Variants in IRS2 observed in about 807,000 individuals in gnomAD.
The protein encoded by IRS2 is insulin receptor substrate 2.
IRS2 carries 28 observed loss-of-function variants against 70.9 expected under a neutral mutation model. That is an observed-to-expected ratio of 0.39 (90% CI 0.29 to 0.54). The LOEUF is 0.54. Among genes scored for constraint, IRS2 ranks in the 20% least tolerant of loss-of-function variants. The pLI is 0.59. For synonymous variants in IRS2, 1,217 were observed against 981.9 expected (o/e 1.24, Z -4.48); for missense variants, 2,081 against 2,024.1 (o/e 1.03, Z -0.54).
chr13:109,772,090 G>C (rs990324712), intron 1 of IRS2, among the ~76,000 whole-genome samples: 1 of 152,238 alleles, frequency 6.6e-6, no homozygotes, highest in Non-Finnish European at 1.5e-5. Flanking sequence ...AGGCTCACCC[G>C]GCATGCGCTG....
chr13:109,782,242 G>GGCGGCT lies in IRS2; in HGVS notation c.3806_3811dup (p.Gln1269_Pro1270dup), dbSNP rs746297809. ...TCCCGGCTGAGGAAGCGGCGGCGGC[G>GGCGGCT]GCGGCTGCGGCTGGGGTGGCAGCCC... On this transcript the variant is annotated inframe_insertion, in exon 1 of 2. Transcript: ENST00000375856. 21 of 1,607,650 alleles carry GGCGGCT rather than the reference G, an allele frequency of 1.3e-5. No individual in the cohort carries two copies. In the East Asian group the frequency reaches 1.6e-4, roughly 12 times the overall value.
chr13:109,784,587 C>A lies in IRS2; in HGVS notation c.1467G>T (p.Ser489=). The A allele has an allele frequency of 7.3e-7, 1 of 1,361,570 alleles. No individual in the cohort carries two copies. Among genetic ancestry groups the A allele is most frequent in the South Asian group, 1.8e-5 (1 of 55,676 alleles). The allele number at this position is 1,361,570 out of a possible 1,614,324, so 84.3% of individuals were successfully genotyped here. A position where few individuals can be genotyped will look rare whatever the true frequency, so the allele number is the denominator to read the frequency against. Residue 489 remains serine (S), a synonymous_variant, in exon 1 of 2, where the codon TCG becomes TCT. Coordinates refer to ENST00000375856, the MANE Select transcript of IRS2 (RefSeq NM_003749.3). This position sits in a 1 kb window ranked among gnomAD's most constrained non-coding sequence, Gnocchi z 5.2. ...QRPSSGSASA[S]GSPSDPGFMS... Reference sequence around the variant, plus strand: ...TGAAGCCGGGGTCGCTGGGGGAGCCCGAGGCGGAGGCGCTGCCGCTGGAGG... The same window carrying A: ...TGAAGCCGGGGTCGCTGGGGGAGCCAGAGGCGGAGGCGCTGCCGCTGGAGG...
chr13:109,783,949 A>ACGGCGGCGG lies in IRS2; in HGVS notation c.2096_2104dup (p.Ala699_Ala701dup), dbSNP rs34412495. On this transcript the variant is annotated inframe_insertion, in exon 1 of 2. Coordinates refer to ENST00000375856, the MANE Select transcript of IRS2 (RefSeq NM_003749.3). ...TGGCCCCGCAGGCCCCGCAGAAGGC[A>ACGGCGGCGG]CGGCGGCGGCGGCGGCGGCGGCGGC... 13 of 1,520,792 alleles carry ACGGCGGCGG rather than the reference A, an allele frequency of 8.5e-6. No homozygotes were observed. The highest frequency in any genetic ancestry group is 4.3e-5 in the Admixed American group (2 of 46,568). 94.2% of individuals were successfully genotyped at this position (1,520,792 alleles called of 1,614,324 possible). A position where few individuals can be genotyped will look rare whatever the true frequency, so the allele number is the denominator to read the frequency against.
At position 109,786,159 on chromosome 13, in the gene IRS2, C is replaced by G. The variant is rs1877919281; in HGVS notation, c.-106G>C. On this transcript the variant is annotated 5_prime_UTR_variant, in exon 1 of 2. Coordinates refer to ENST00000375856, the MANE Select transcript of IRS2 (RefSeq NM_003749.3). This position sits in a 1 kb window ranked among gnomAD's most constrained non-coding sequence, Gnocchi z 4.4. The stretch of plus-strand genomic sequence containing the variant: ...GCTCCCTCCCACCCTTGCGCCCGGC[C>G]GCCCGCCCGATCACGCGTCCCTCGG... 4.8e-6 allele frequency: 3 copies of G among 628,980 alleles called. No individual in the cohort carries two copies. The highest frequency in any genetic ancestry group is 5.9e-6 in the Non-Finnish European group (3 of 507,116). 39.0% of individuals were successfully genotyped at this position (628,980 alleles called of 1,614,324 possible).
rs1470675812 is a variant in IRS2, at chr13:109,786,330, C to T, written c.-277G>A. 5 of 146,862 alleles carry T rather than the reference C, an allele frequency of 3.4e-5. No individual in the cohort carries two copies. Among genetic ancestry groups the T allele is most frequent in the Non-Finnish European group, 7.6e-5 (5 of 66,034 alleles). The allele number at this position is 146,862 out of a possible 1,614,324, so 9.1% of individuals were successfully genotyped here. A position where few individuals can be genotyped will look rare whatever the true frequency, so the allele number is the denominator to read the frequency against. On this transcript the variant is annotated 5_prime_UTR_variant, in exon 1 of 2. Transcript: ENST00000375856. The surrounding 1 kb of genome is among the most constrained non-coding windows in gnomAD (Gnocchi z 4.4). ...CCCGGCTGCCTGCGGCCGCTGCCTCCTCGGGCTCTCGGGCGGCGCCGGGGG... is the reference window on the plus strand; with the variant it reads ...CCCGGCTGCCTGCGGCCGCTGCCTCTTCGGGCTCTCGGGCGGCGCCGGGGG...
Position 109,783,163 on chromosome 13 carries a change from C to A in IRS2, c.2891G>T (p.Gly964Val), listed in dbSNP as rs2138931842. ...PASSLGSGTP[G>V]TSSDSRQRSP... Reference sequence around the variant, plus strand: ...CCGCTGCCGGCTGTCGCTGCTGGTGCCCGGGGTGCCTGAGCCCAGCGACGA... The same window carrying A: ...CCGCTGCCGGCTGTCGCTGCTGGTGACCGGGGTGCCTGAGCCCAGCGACGA... The change falls in exon 1 of 2, where the codon GGC (glycine) becomes GTC (valine). Residue 964 changes from glycine (G) to valine (V), a missense_variant. By Grantham distance (109) the Gly-to-Val change is moderately radical (BLOSUM62 -3). This residue lies in a region of IRS2 where 1,615 missense variants were observed against 1,459.5 expected (regional missense o/e 1.11). Coordinates refer to ENST00000375856, the MANE Select transcript of IRS2 (RefSeq NM_003749.3). 7.2e-7 allele frequency: 1 copy of A among 1,380,416 alleles called. No homozygotes were observed. The highest frequency in any genetic ancestry group is 9.3e-7 in the Non-Finnish European group (1 of 1,072,986). The allele number at this position is 1,380,416 out of a possible 1,614,324, so 85.5% of individuals were successfully genotyped here. A position where few individuals can be genotyped will look rare whatever the true frequency, so the allele number is the denominator to read the frequency against.
At chr13:109,772,459 G>A (rs1384740921) in intron 1 of IRS2, among the ~76,000 whole-genome samples, 1 of 152,156 alleles carries the variant, frequency 6.6e-6, no homozygotes, top group Non-Finnish European at 1.5e-5. Context: ...TTCTTAACCT[G>A]GAAGAAGGTC....
intron 1 of IRS2, among the ~76,000 whole-genome samples, chr13:109,771,295 C>A (rs1302057438): frequency 3.3e-5 from 5 of 151,890 alleles, no homozygotes; most frequent in Non-Finnish European, 7.4e-5. Context: ...TATTTTCATG[C>A]AGTTCAATAT....
chr13:109,755,928 C>G lies in IRS2; in HGVS notation c.*376G>C. ...CATAGGTACGGGTGCACTCTCCTAG[C>G]ATGCTGAGGGTTATATCTGCTTTGC... On this transcript the variant is annotated 3_prime_UTR_variant, in exon 2 of 2. Transcript: ENST00000375856. The G allele has an allele frequency of 2.9e-6, 1 of 346,430 alleles. No individual in the cohort carries two copies. The highest frequency in any genetic ancestry group is 5.4e-6 in the Non-Finnish European group (1 of 184,868). The allele number at this position is 346,430 out of a possible 1,614,324, so 21.5% of individuals were successfully genotyped here. A position where few individuals can be genotyped will look rare whatever the true frequency, so the allele number is the denominator to read the frequency against.
intron 1 of IRS2, among the ~76,000 whole-genome samples, chr13:109,759,758 G>T (rs915301325): frequency 7.2e-5 from 11 of 152,054 alleles, no homozygotes; most frequent in Non-Finnish European, 1.3e-4. Context: ...GGGCTCAGGA[G>T]GGCTCTCTGT....
In IRS2 at chr13:109,785,450, G is replaced by C. The variant is rs767482306; in HGVS notation, c.604C>G (p.Leu202Val). Residue 202 changes from leucine to valine, a missense_variant, in exon 1 of 2, where the codon CTG becomes GTG. Around this residue, in one of 4 missense-constraint regions of IRS2, gnomAD observed 320 missense variants for 352.9 expected, o/e 0.91. Transcript: ENST00000375856. The surrounding 1 kb of genome is among the most constrained non-coding windows in gnomAD (Gnocchi z 9.3). Reference protein sequence around the residue: ...AAYREVWQVNLKPKGLGQSKN... With the variant: ...AAYREVWQVNVKPKGLGQSKN... ...CTCTGGCCCAGACCCTTGGGCTTCA[G>C]GTTCACCTGCCACACCTCACGGTAG... The C allele has an allele frequency of 6.2e-7, 1 of 1,611,708 alleles. No homozygotes were observed. The highest frequency in any genetic ancestry group is 1.7e-5 in the Admixed American group (1 of 59,960).
At chr13:109,771,840 C>A (rs976338865) in intron 1 of IRS2, among the ~76,000 whole-genome samples, 6 of 152,188 alleles carry the variant, frequency 3.9e-5, no homozygotes, top group Non-Finnish European at 7.3e-5. Context: ...AAACTAGGGT[C>A]CCAGTACCTC....
At chr13:109,772,633 C>A (rs1877478439) in intron 1 of IRS2, among the ~76,000 whole-genome samples, 1 of 151,646 alleles carries the variant, frequency 6.6e-6, no homozygotes, top group African/African-American at 2.4e-5. Context: ...ACAGCTTGCA[C>A]AAAGCAAACA....
At chr13:109,762,867 C>T (rs1209425638) in intron 1 of IRS2, among the ~76,000 whole-genome samples, 1 of 152,184 alleles carries the variant, frequency 6.6e-6, no homozygotes, top group Non-Finnish European at 1.5e-5. Flanking sequence ...TAAAACAGAA[C>T]GAAGCTTTAG....
rs1259296763 is a variant in IRS2, at chr13:109,782,046, C to T, written c.4008G>A (p.Val1336=). The change falls in exon 1 of 2, where the codon GTG becomes GTA. Residue 1336 remains valine (V), a synonymous_variant. Coordinates refer to ENST00000375856, the MANE Select transcript of IRS2 (RefSeq NM_003749.3). ...LSHHLKEATI[V]KE Reference sequence around the variant, plus strand: ...CAAGGCAAAGGGCCTCCTCACCTTTCACGATGGTGGCCTCCTTCAAGTGGT... The same window carrying T: ...CAAGGCAAAGGGCCTCCTCACCTTTTACGATGGTGGCCTCCTTCAAGTGGT... The T allele has an allele frequency of 3.1e-6, 5 of 1,612,306 alleles. No individual in the cohort carries two copies. In the African/African-American group the frequency reaches 6.7e-5, roughly 22 times the overall value.
In IRS2 at chr13:109,784,738, G is replaced by A. The variant is rs1272680781; in HGVS notation, c.1316C>T (p.Pro439Leu). The A allele has an allele frequency of 4.1e-6, 5 of 1,231,636 alleles. No individual in the cohort carries two copies. Among genetic ancestry groups the A allele is most frequent in the Non-Finnish European group, 4.0e-6 (4 of 987,902 alleles). 76.3% of individuals were successfully genotyped at this position (1,231,636 alleles called of 1,614,324 possible). A position where few individuals can be genotyped will look rare whatever the true frequency, so the allele number is the denominator to read the frequency against. The change falls in exon 1 of 2, where the codon CCG (proline) becomes CTG (leucine). Residue 439 changes from proline to leucine, a missense_variant. By Grantham distance (98) the Pro-to-Leu change is moderately conservative. This residue lies in a region of IRS2 where 1,615 missense variants were observed against 1,459.5 expected (regional missense o/e 1.11). Coordinates refer to ENST00000375856, the MANE Select transcript of IRS2 (RefSeq NM_003749.3). This position sits in a 1 kb window ranked among gnomAD's most constrained non-coding sequence, Gnocchi z 5.2. Reference protein sequence around the residue: ...RSMSMPVAHSPPAATSPGSLS... With the variant: ...RSMSMPVAHSLPAATSPGSLS... ...GGAGCCGGGGCTGGTGGCGGCGGGCGGCGAGTGCGCCACGGGCATGGACAT... is the reference window on the plus strand; with the variant it reads ...GGAGCCGGGGCTGGTGGCGGCGGGCAGCGAGTGCGCCACGGGCATGGACAT...
intron 1 of IRS2, among the ~76,000 whole-genome samples, chr13:109,772,161 G>A (rs963160270): frequency 6.6e-6 from 1 of 152,224 alleles, no homozygotes; most frequent in African/African-American, 2.4e-5. Flanking sequence ...GGGATCGGGG[G>A]CGGCTTCTGC....
At chr13:109,770,955 A>G (rs1050642929) in intron 1 of IRS2, among the ~76,000 whole-genome samples, 11 of 152,206 alleles carry the variant, frequency 7.2e-5, no homozygotes, top group Non-Finnish European at 1.3e-4. Context: ...TGTTCTAAGA[A>G]CTTCATTAAA....
chr13:109,775,753 AACACACACACAC>A (rs71127906), intron 1 of IRS2, among the ~76,000 whole-genome samples: 160 of 140,536 alleles, frequency 1.1e-3, no homozygotes, highest in African/African-American at 3.6e-3. Flanking sequence ...ATATTATGGA[AACACACACACAC>A]ACACACACAC....
Sources: allele counts gnomAD v4.1 joint callset (sites outside exome capture counted in the v4.1 genomes callset), GRCh38; gene constraint gnomAD v4.1.1; regional missense constraint gnomAD v4.1.1; non-coding constraint Gnocchi (gnomAD v3.1); transcripts MANE v1.5; gene names NCBI Gene and HGNC (gene_info 2026-07-23, HGNC 2026-07-21).